TNKS: variants seen among roughly 807,000 people sequenced by gnomAD.
The protein encoded by TNKS is tankyrase, also known as poly [ADP-ribose] polymerase tankyrase-1.
Under a neutral mutation model 135.8 loss-of-function variants are expected in TNKS, and 72 were observed. The observed-to-expected ratio is 0.53, with a 90% confidence interval of 0.44 to 0.64. The LOEUF is 0.64. Among genes scored for constraint, TNKS ranks in the 30% least tolerant of loss-of-function variants. The pLI is 0.00. For synonymous variants in TNKS, 849 were observed against 649.3 expected (o/e 1.31, Z -4.68); for missense variants, 1,769 against 1,674.0 (o/e 1.06, Z -0.99).
chr8:9,780,003 T>C lies in TNKS; in HGVS notation c.*3267T>C, dbSNP rs188779270. 1 of 152,360 alleles carries C rather than the reference T, an allele frequency of 6.6e-6. No homozygotes were observed. The highest frequency in any genetic ancestry group is 1.9e-4 in the East Asian group (1 of 5,192). 9.4% of individuals were successfully genotyped at this position (152,360 alleles called of 1,614,324 possible). On this transcript the variant is annotated 3_prime_UTR_variant, in exon 27 of 27. Coordinates refer to ENST00000310430, the MANE Select transcript of TNKS (RefSeq NM_003747.3). ...CTTTGCTCTCAAAATACAAAGTGCA[T>C]TGAAGTATACAGAGAAATGCCTGAA...
intron 2 of TNKS, among the ~76,000 whole-genome samples, chr8:9,588,905 G>A (rs1798487761): frequency 6.6e-6 from 1 of 152,148 alleles, no homozygotes; most frequent in African/African-American, 2.4e-5. Flanking sequence ...ATTAGACTAG[G>A]AAGAAGAAGC....
chr8:9,648,551 C>T (rs58654784), intron 3 of TNKS, among the ~76,000 whole-genome samples: 2,018 of 152,222 alleles, frequency 0.013, 47 homozygotes, highest in African/African-American at 0.046. Flanking sequence ...CTAACATATT[C>T]ATTTGTTATC....
chr8:9,659,756 A>G lies in TNKS; in HGVS notation c.995-20195A>G, dbSNP rs1373346118. Among the ~76,000 whole-genome samples the G allele has an allele frequency of 2.6e-5, 4 of 152,258 alleles. No homozygotes were observed. In the East Asian group the frequency reaches 7.7e-4, roughly 29 times the overall value. Reference sequence around the variant, plus strand: ...AGATCAGAGCAGAACTGAAGGAGATAGAGACACAAAAAACCGTTCAAAAAA... The same window carrying G: ...AGATCAGAGCAGAACTGAAGGAGATGGAGACACAAAAAACCGTTCAAAAAA... On this transcript the variant is annotated intron_variant, in intron 3 of 26. Coordinates refer to ENST00000310430, the MANE Select transcript of TNKS (RefSeq NM_003747.3).
intron 1 of TNKS, chr8:9,557,980 T>C (rs1026153372): frequency 1.8e-4 from 28 of 152,154 alleles, no homozygotes; most frequent in Admixed American, 1.5e-3. Flanking sequence ...TTTTTGTGAG[T>C]AATTGAAGTG....
At chr8:9,574,283 G>A (rs1797862098) in intron 1 of TNKS, among the ~76,000 whole-genome samples, 1 of 152,146 alleles carries the variant, frequency 6.6e-6, no homozygotes, top group Admixed American at 6.5e-5. Flanking sequence ...ACTTCTTGTT[G>A]CTACCTGCTT....
intron 1 of TNKS, among the ~76,000 whole-genome samples, chr8:9,562,809 C>T (rs1450480816): frequency 1.3e-5 from 2 of 151,448 alleles, no homozygotes; most frequent in East Asian, 3.9e-4. Context: ...ATTTCCTTCC[C>T]TTAGCCTTTT....
chr8:9,720,312 A>C, intron 11 of TNKS, 62 bp from the exon 12 acceptor site: 1 of 1,371,736 alleles, frequency 7.3e-7, no homozygotes, highest in South Asian at 1.7e-5. Context: ...TGTATTTTCT[A>C]AGGTATAAAA....
chr8:9,609,098 T>A (rs1799346110), intron 2 of TNKS, among the ~76,000 whole-genome samples: 1 of 152,216 alleles, frequency 6.6e-6, no homozygotes, highest in South Asian at 2.1e-4. Flanking sequence ...CTTTTTTAGA[T>A]CTTTCAGCTT....
At chr8:9,657,718 A>C (rs1341327393) in intron 3 of TNKS, among the ~76,000 whole-genome samples, 1 of 96,938 alleles carries the variant, frequency 1.0e-5, no homozygotes, top group African/African-American at 4.0e-5. Flanking sequence ...ACTTCCCAGT[A>C]GGGGCGGCCG....
intron 3 of TNKS, among the ~76,000 whole-genome samples, chr8:9,669,216 A>C (rs1802150717): frequency 1.3e-5 from 2 of 151,582 alleles, no homozygotes; most frequent in South Asian, 4.2e-4. Flanking sequence ...CAGGAGATCG[A>C]GACCATCCTG....
In TNKS at chr8:9,752,547, C is replaced by T. The variant is rs769078075; in HGVS notation, c.3074C>T (p.Ala1025Val). The change falls in exon 20 of 27, where the codon GCT becomes GTT. Residue 1025 changes from alanine to valine, a missense_variant. Physicochemically the swap from Ala to Val is moderately conservative, Grantham distance 64 (BLOSUM62 0). Coordinates refer to ENST00000310430, the MANE Select transcript of TNKS (RefSeq NM_003747.3). ...CTTTAATATGTTTCTGTTTTAGTTGCTGGTCTTGACATGAATATCAGCCAA... is the reference window on the plus strand; with the variant it reads ...CTTTAATATGTTTCTGTTTTAGTTGTTGGTCTTGACATGAATATCAGCCAA... ...AGTERKEGEV[A>V]GLDMNISQFL... 3.9e-5 allele frequency: 63 copies of T among 1,609,298 alleles called. 1 individual carries two copies. The highest frequency in any genetic ancestry group is 8.4e-5 in the Admixed American group (5 of 59,682).
intron 1 of TNKS, chr8:9,558,231 C>G (rs761273962): frequency 1.3e-5 from 2 of 152,018 alleles, no homozygotes; most frequent in Non-Finnish European, 2.9e-5. Context: ...ATTAATGGGT[C>G]GTGACCAGTG....
chr8:9,669,343 G>C (rs952286987), intron 3 of TNKS, among the ~76,000 whole-genome samples: 1 of 150,894 alleles, frequency 6.6e-6, no homozygotes, highest in African/African-American at 2.4e-5. Flanking sequence ...GCGTGAACCC[G>C]GGAAGCGGAG....
rs117541025 is a variant in TNKS, at chr8:9,675,425, A to G, written c.995-4526A>G. 3.7e-4 allele frequency among the ~76,000 whole-genome samples: 56 copies of G among 152,290 alleles called. 2 individuals carry two copies. In the East Asian group the frequency reaches 0.011, roughly 29 times the overall value. Reference sequence around the variant, plus strand: ...ATTGAGATTCTAGACTGAAGTCTTTACATACTTCTTCCCTTGAGATGCTTG... The same window carrying G: ...ATTGAGATTCTAGACTGAAGTCTTTGCATACTTCTTCCCTTGAGATGCTTG... On this transcript the variant is annotated intron_variant, in intron 3 of 26. Transcript: ENST00000310430.
At chr8:9,561,959 G>A (rs1341716220) in intron 1 of TNKS, among the ~76,000 whole-genome samples, 1 of 152,128 alleles carries the variant, frequency 6.6e-6, no homozygotes, top group South Asian at 2.1e-4. Flanking sequence ...TGGGATTACA[G>A]GCGCCCACCA....
chr8:9,672,881 C>T (rs988435880), intron 3 of TNKS, among the ~76,000 whole-genome samples: 3 of 152,062 alleles, frequency 2.0e-5, no homozygotes, highest in African/African-American at 7.2e-5. Context: ...TCTTCCTTTC[C>T]TCCTTTTTTG....
At chr8:9,667,432 G>A (rs765466214) in intron 3 of TNKS, among the ~76,000 whole-genome samples, 1 of 152,220 alleles carries the variant, frequency 6.6e-6, no homozygotes, top group Admixed American at 6.5e-5. Flanking sequence ...CCCTGGATGC[G>A]TAAGCCTACT....
chr8:9,768,845 G>C (rs913681280), intron 25 of TNKS, among the ~76,000 whole-genome samples: 23 of 152,186 alleles, frequency 1.5e-4, no homozygotes, highest in African/African-American at 5.5e-4. Flanking sequence ...GCATCCCAGA[G>C]GATCATCAAT....
At chr8:9,749,347 A>G (rs1806398613) in intron 18 of TNKS, among the ~76,000 whole-genome samples, 1 of 152,212 alleles carries the variant, frequency 6.6e-6, no homozygotes, top group Non-Finnish European at 1.5e-5. Flanking sequence ...TCTAAAATTC[A>G]GCCAGACACA....
Sources: allele counts gnomAD v4.1 joint callset (sites outside exome capture counted in the v4.1 genomes callset), GRCh38; gene constraint gnomAD v4.1.1; transcripts MANE v1.5; gene names NCBI Gene and HGNC (gene_info 2026-07-23, HGNC 2026-07-21).